VPS13B: variants seen among roughly 807,000 people sequenced by gnomAD.
VPS13B encodes the protein intermembrane lipid transfer protein VPS13B.
Under a neutral mutation model 426.4 loss-of-function variants are expected in VPS13B, and 285 were observed. The ratio of observed to expected loss-of-function variants is 0.67; its 90% CI spans 0.61 to 0.74. The LOEUF is 0.74. Among genes scored for constraint, VPS13B ranks in the 30% least tolerant of loss-of-function variants. The probability of loss-of-function intolerance (pLI) is 0.00; values close to 1 mark genes in which losing one functional copy is unlikely to be tolerated. For synonymous variants in VPS13B, 1,676 were observed against 1,676.4 expected, an observed-to-expected ratio of 1.00 and a Z score of 0.01; for missense variants, 4,537 against 4,782.6, an observed-to-expected ratio of 0.95 and a Z score of 1.51.
At chr8:99,486,810 T>C (rs1820332457) in intron 25 of VPS13B, among the ~76,000 whole-genome samples, 1 of 152,220 alleles carries the variant, frequency 6.6e-6, no homozygotes, top group African/African-American at 2.4e-5. Context: ...CCTGACTTTG[T>C]GTTTCCTCTT....
chr8:99,753,293 T>C (rs937293134), intron 39 of VPS13B, among the ~76,000 whole-genome samples: 1 of 152,184 alleles, frequency 6.6e-6, no homozygotes, highest in Non-Finnish European at 1.5e-5. Context: ...AAGGCTTACG[T>C]TGGTTAGGTG....
intron 22 of VPS13B, among the ~76,000 whole-genome samples, chr8:99,441,844 A>G (rs886104744): frequency 2.0e-5 from 3 of 152,184 alleles, no homozygotes; most frequent in Non-Finnish European, 2.9e-5. Context: ...TATGTATAAT[A>G]AATCTGATAC....
At chr8:99,130,048 A>G (rs998027319) in intron 8 of VPS13B, among the ~76,000 whole-genome samples, 2 of 152,206 alleles carry the variant, frequency 1.3e-5, no homozygotes, top group Non-Finnish European at 2.9e-5. Flanking sequence ...CAACAACAAA[A>G]CAAAATAGTC....
At chr8:99,697,750 G>T in intron 35 of VPS13B, 1 of 627,856 alleles carries the variant, frequency 1.6e-6, no homozygotes, top group Non-Finnish European at 3.0e-6. Context: ...CGCCCGTAGG[G>T]GAGAACATCA....
chr8:99,233,100 C>T, intron 17 of VPS13B: 1 of 1,378,902 alleles, frequency 7.3e-7, no homozygotes, highest in Non-Finnish European at 1.0e-6. Flanking sequence ...ACTCCTGCTG[C>T]TTCACCTCTT....
At chr8:99,477,012 C>T (rs72674630) in intron 24 of VPS13B, among the ~76,000 whole-genome samples, 4,458 of 152,144 alleles carry the variant, frequency 0.029, 97 homozygotes, top group South Asian at 0.064. Context: ...TTTGTTAATT[C>T]ATATCATTTA....
At chr8:99,123,800 A>G (rs1469191864) in intron 8 of VPS13B, among the ~76,000 whole-genome samples, 32 of 152,158 alleles carry the variant, frequency 2.1e-4, no homozygotes, top group Non-Finnish European at 2.9e-5. Context: ...CAACTAGAAG[A>G]GTTGAGCTGT....
chr8:99,093,547 AGTCCCCAGAGTGCGAT>A (rs1846269550), intron 3 of VPS13B, among the ~76,000 whole-genome samples: 1 of 115,590 alleles, frequency 8.7e-6, no homozygotes, highest in Non-Finnish European at 1.8e-5. Context: ...ACCTCACAAC[AGTCCCCAGAGTGCGAT>A]GTTCCCCTTC....
chr8:99,753,929 C>G (rs1018547650), intron 39 of VPS13B, among the ~76,000 whole-genome samples: 3 of 152,094 alleles, frequency 2.0e-5, no homozygotes, highest in African/African-American at 7.2e-5. Context: ...CCCTTCACCA[C>G]AGTGTATTAC....
chr8:99,309,986 CTG>C (rs1820864173), intron 19 of VPS13B, among the ~76,000 whole-genome samples: 1 of 152,122 alleles, frequency 6.6e-6, no homozygotes, highest in African/African-American at 2.4e-5. Context: ...CTCTGTTTGT[CTG>C]TTATTGGTGT....
intron 19 of VPS13B, among the ~76,000 whole-genome samples, chr8:99,325,083 A>G (rs549637028): frequency 2.6e-5 from 4 of 152,236 alleles, no homozygotes; most frequent in African/African-American, 9.6e-5. Context: ...CTGCTTATAC[A>G]ATTAGTTAAA....
At chr8:99,796,450 A>C (rs767503873) in intron 43 of VPS13B, among the ~76,000 whole-genome samples, 3 of 152,130 alleles carry the variant, frequency 2.0e-5, no homozygotes, top group Non-Finnish European at 4.4e-5. Flanking sequence ...TAGAAGAAGA[A>C]AGAAATGCGA....
intron 17 of VPS13B, among the ~76,000 whole-genome samples, chr8:99,255,299 A>G (rs1416402433): frequency 6.6e-6 from 1 of 152,178 alleles, no homozygotes; most frequent in Non-Finnish European, 1.5e-5. Context: ...TGCTTCAAGC[A>G]AAATGTTAAT....
intron 33 of VPS13B, among the ~76,000 whole-genome samples, chr8:99,620,488 A>G (rs537066755): frequency 2.7e-4 from 41 of 152,318 alleles, no homozygotes; most frequent in African/African-American, 9.9e-4. Flanking sequence ...ACTGAGAAAT[A>G]AAGGGTGGGA....
At chr8:99,795,939 G>T (rs762745981) in intron 43 of VPS13B, among the ~76,000 whole-genome samples, 3 of 152,118 alleles carry the variant, frequency 2.0e-5, no homozygotes, top group Non-Finnish European at 4.4e-5. Flanking sequence ...CTATTCAGTG[G>T]GGGGAACATA....
chr8:99,259,332 C>A lies in VPS13B; in HGVS notation c.2516-14866C>A, dbSNP rs1311156057. Among the ~76,000 whole-genome samples the A allele has an allele frequency of 2.6e-5, 4 of 151,948 alleles. No homozygotes were observed. In the South Asian group the frequency reaches 8.3e-4, roughly 32 times the overall value. ...GCTTAAGAAACATATAGCAAGACTT[C>A]TAAAAAAATTTAAAAAACAAAGAGA... On this transcript the variant is annotated intron_variant, in intron 17 of 61. Transcript: ENST00000357162.
intron 30 of VPS13B, among the ~76,000 whole-genome samples, chr8:99,532,619 G>A (rs1822989534): frequency 6.6e-6 from 1 of 151,870 alleles, no homozygotes; most frequent in South Asian, 2.1e-4. Context: ...TTGCAACAGT[G>A]TTTGCTCTGT....
chr8:99,373,198 A>C (rs573882169), intron 19 of VPS13B, among the ~76,000 whole-genome samples: 7 of 152,066 alleles, frequency 4.6e-5, no homozygotes, highest in Non-Finnish European at 8.8e-5. Flanking sequence ...GCATTAGGAC[A>C]AATACCTAAT....
chr8:99,486,901 TTATGA>T (rs1399071237), intron 25 of VPS13B, among the ~76,000 whole-genome samples: 1 of 152,122 alleles, frequency 6.6e-6, no homozygotes, highest in Non-Finnish European at 1.5e-5. Flanking sequence ...AAATTGGAGT[TTATGA>T]GAATTTAGTA....
Sources: allele counts gnomAD v4.1 joint callset (sites outside exome capture counted in the v4.1 genomes callset), GRCh38; gene constraint gnomAD v4.1.1; transcripts MANE v1.5; gene names NCBI Gene and HGNC (gene_info 2026-07-23, HGNC 2026-07-21).